DGKB: variants seen among roughly 807,000 people sequenced by gnomAD.
DGKB encodes the protein diacylglycerol kinase beta.
DGKB carries 67 observed loss-of-function variants against 114.3 expected under a neutral mutation model. That is an observed-to-expected ratio of 0.59 (90% confidence interval 0.48 to 0.72). The LOEUF (loss-of-function observed/expected upper bound fraction) is 0.72, where lower values mean the gene tolerates loss of function less well. Ranked by LOEUF, DGKB falls within the 30% of genes least tolerant of loss-of-function variation. The pLI is 0.00. For synonymous variants in DGKB, 398 were observed against 323.1 expected (o/e 1.23, Z -2.49); for missense variants, 907 against 975.2 (o/e 0.93, Z 0.93).
intron 23 of DGKB, among the ~76,000 whole-genome samples, chr7:14,254,528 AC>A (rs1795687178): frequency 6.6e-6 from 1 of 152,072 alleles, no homozygotes; most frequent in Non-Finnish European, 1.5e-5. Context: ...TCACCCAGCA[AC>A]CCTGAATCTT....
At chr7:14,874,632 T>C (rs563939015) in intron 1 of DGKB, among the ~76,000 whole-genome samples, 4 of 152,150 alleles carry the variant, frequency 2.6e-5, no homozygotes, top group East Asian at 3.9e-4. Flanking sequence ...GTAGTTAATA[T>C]GTTTCCTCTG....
chr7:14,635,907 A>G (rs1417673253), intron 13 of DGKB, among the ~76,000 whole-genome samples: 1 of 151,652 alleles, frequency 6.6e-6, no homozygotes, highest in Non-Finnish European at 1.5e-5. Context: ...TAGTTAGCGT[A>G]TTGCTGCTTT....
At chr7:14,752,771 GA>G (rs1834308857) in intron 4 of DGKB, among the ~76,000 whole-genome samples, 1 of 152,174 alleles carries the variant, frequency 6.6e-6, no homozygotes, top group African/African-American at 2.4e-5. Flanking sequence ...AGGTTGTGGA[GA>G]AAGGTGTGTT....
At chr7:14,758,305 T>C (rs960857578) in intron 2 of DGKB, among the ~76,000 whole-genome samples, 3 of 152,036 alleles carry the variant, frequency 2.0e-5, no homozygotes, top group Non-Finnish European at 4.4e-5. Context: ...TATTAGTTGG[T>C]GACAAGAAAT....
At chr7:14,151,277 T>C (rs1489100151) in intron 25 of DGKB, among the ~76,000 whole-genome samples, 1 of 152,040 alleles carries the variant, frequency 6.6e-6, no homozygotes, top group African/African-American at 2.4e-5. Flanking sequence ...TATTTCCAAA[T>C]AGTTGTTAAG....
intron 13 of DGKB, among the ~76,000 whole-genome samples, chr7:14,670,404 G>A (rs1323650425): frequency 2.0e-5 from 3 of 151,842 alleles, no homozygotes; most frequent in Non-Finnish European, 4.4e-5. Context: ...CAGGGTTCAA[G>A]CGATTCCCCT....
chr7:14,655,936 C>T (rs959532947), intron 13 of DGKB, among the ~76,000 whole-genome samples: 1 of 151,498 alleles, frequency 6.6e-6, no homozygotes, highest in African/African-American at 2.4e-5. Flanking sequence ...TACAGCTAGA[C>T]ATAATAAATA....
intron 13 of DGKB, among the ~76,000 whole-genome samples, chr7:14,651,120 A>C (rs1223083294): frequency 6.6e-6 from 1 of 152,140 alleles, no homozygotes; most frequent in East Asian, 1.9e-4. Flanking sequence ...CAATAGAAAA[A>C]GAGGGAATCC....
chr7:14,812,197 C>T (rs1172145407), intron 2 of DGKB, among the ~76,000 whole-genome samples: 3 of 152,080 alleles, frequency 2.0e-5, no homozygotes, highest in East Asian at 1.9e-4. Flanking sequence ...TCTATGGACA[C>T]GTGGGTTGCT....
intron 21 of DGKB, 23 bp from the exon 22 acceptor site, chr7:14,345,414 A>C: frequency 3.1e-6 from 4 of 1,285,616 alleles, no homozygotes; most frequent in Non-Finnish European, 4.4e-6. Context: ...AGGAAGAAGC[A>C]CCTTAGGCAA....
intron 2 of DGKB, among the ~76,000 whole-genome samples, chr7:14,773,108 C>G (rs1837654641): frequency 6.6e-6 from 1 of 152,032 alleles, no homozygotes; most frequent in South Asian, 2.1e-4. Context: ...TAATTTGTAT[C>G]TAATACTTTA....
At chr7:14,366,860 G>T (rs1816761672) in intron 21 of DGKB, among the ~76,000 whole-genome samples, 1 of 152,042 alleles carries the variant, frequency 6.6e-6, no homozygotes, top group South Asian at 2.1e-4. Flanking sequence ...ATACTTTATT[G>T]TGTCAAAATT....
At chr7:14,305,863 T>A (rs995928710) in intron 23 of DGKB, among the ~76,000 whole-genome samples, 3 of 152,190 alleles carry the variant, frequency 2.0e-5, no homozygotes, top group Admixed American at 2.0e-4. Context: ...ACTACCAGTC[T>A]ACTTGAATTT....
chr7:14,872,518 C>T (rs1472913832), intron 1 of DGKB, among the ~76,000 whole-genome samples: 2 of 152,118 alleles, frequency 1.3e-5, no homozygotes, highest in South Asian at 2.1e-4. Flanking sequence ...CTATGCTTAA[C>T]GTAGGTCCTA....
intron 20 of DGKB, among the ~76,000 whole-genome samples, chr7:14,486,372 G>A (rs976330302): frequency 3.9e-5 from 6 of 152,154 alleles, no homozygotes; most frequent in African/African-American, 1.4e-4. Flanking sequence ...AAACCACATA[G>A]GATCATGCAG....
chr7:14,642,421 G>C (rs1811987813), intron 13 of DGKB, among the ~76,000 whole-genome samples: 1 of 151,966 alleles, frequency 6.6e-6, no homozygotes, highest in Non-Finnish European at 1.5e-5. Context: ...AATACCAAAA[G>C]GCACTTGGGT....
chr7:14,812,118 A>G (rs552926943), intron 2 of DGKB, among the ~76,000 whole-genome samples: 1 of 152,170 alleles, frequency 6.6e-6, no homozygotes, highest in Admixed American at 6.5e-5. Context: ...ATGTGTCAAA[A>G]TTTCCTTCTT....
chr7:14,700,340 A>C (rs1177354295), intron 7 of DGKB, among the ~76,000 whole-genome samples: 1 of 151,848 alleles, frequency 6.6e-6, no homozygotes, highest in East Asian at 1.9e-4. Context: ...CAGCCTCCCA[A>C]GTAGCTGGGA....
intron 23 of DGKB, among the ~76,000 whole-genome samples, chr7:14,281,813 C>G (rs1169451631): frequency 4.0e-5 from 6 of 149,248 alleles, no homozygotes; most frequent in Non-Finnish European, 7.5e-5. Flanking sequence ...TTGAAACCAA[C>G]GAGAACAAAG....
Sources: gnomAD v4.1 joint callset for allele counts (sites outside exome capture counted in the v4.1 genomes callset) on GRCh38, gnomAD v4.1.1 for gene constraint, MANE v1.5 for transcripts, NCBI Gene and HGNC (gene_info 2026-07-23, HGNC 2026-07-21) for gene names.